Variants in PARD6G observed in about 807,000 individuals in gnomAD.
PARD6G encodes the protein partitioning defective 6 homolog gamma.
A neutral mutation model predicts 10.7 loss-of-function variants in PARD6G; 7 were observed. The ratio of observed to expected loss-of-function variants is 0.66; its 90% confidence interval spans 0.37 to 1.23. PARD6G has a LOEUF of 1.23. Among genes scored for constraint, PARD6G ranks in the 50% most tolerant of loss-of-function variants. The probability of loss-of-function intolerance (pLI) is 0.02; values close to 1 mark genes in which losing one functional copy is unlikely to be tolerated. For missense variants in PARD6G, 548 were observed against 571.8 expected, an observed-to-expected ratio of 0.96 and a Z score of 0.42; for synonymous variants, 287 against 269.4, an observed-to-expected ratio of 1.07 and a Z score of -0.64.
At chr18:80,163,017 G>A (rs571208802) in intron 2 of PARD6G, among the ~76,000 whole-genome samples, 14 of 152,292 alleles carry the variant, frequency 9.2e-5, no homozygotes, top group Admixed American at 5.9e-4. Context: ...CCATGGGGCC[G>A]CAGATGGAAG....
rs538090133 is a variant in PARD6G at position 80,212,803 on chromosome 18, T to C, written c.73-9871A>G. On this transcript the variant is annotated intron_variant, in intron 1 of 2. Transcript: ENST00000353265. ...AGGAGGCTGAGACAGGAGAATCACT[T>C]GAACCCGGGAGGCAGAGGTTGCAGT... 4.0e-4 allele frequency among the ~76,000 whole-genome samples: 61 copies of C among 152,068 alleles called. 1 individual carries two copies. The South Asian group carries it at 0.012, about 29-fold the overall frequency.
intron 1 of PARD6G, among the ~76,000 whole-genome samples, chr18:80,227,633 G>T (rs1180466940): frequency 6.6e-6 from 1 of 152,200 alleles, no homozygotes; most frequent in Non-Finnish European, 1.5e-5. Flanking sequence ...AACTTGAGTG[G>T]CAGCCACTGG....
chr18:80,198,638 T>C (rs1440819760), intron 2 of PARD6G, among the ~76,000 whole-genome samples: 2 of 152,212 alleles, frequency 1.3e-5, no homozygotes, highest in African/African-American at 4.8e-5. Flanking sequence ...TCACCAGGCT[T>C]GGAGCCCTCT....
intron 2 of PARD6G, among the ~76,000 whole-genome samples, chr18:80,190,013 C>T (rs1011063355): frequency 7.2e-5 from 11 of 152,108 alleles, no homozygotes; most frequent in African/African-American, 2.7e-4. Context: ...AAAAAGAAAC[C>T]CCAAACCCAT....
At chr18:80,190,906 C>T (rs1024887252) in intron 2 of PARD6G, among the ~76,000 whole-genome samples, 1 of 152,122 alleles carries the variant, frequency 6.6e-6, no homozygotes, top group African/African-American at 2.4e-5. Flanking sequence ...ACCTATTTGC[C>T]CAAATTCTCT....
chr18:80,197,738 A>C (rs1206295003), intron 2 of PARD6G: 1 of 151,768 alleles, frequency 6.6e-6, no homozygotes, highest in Non-Finnish European at 1.5e-5. Context: ...ATCCTGCTAA[A>C]AATAGAGATG....
rs946520366 is a variant in PARD6G, at chr18:80,218,617, G to A, written c.73-15685C>T. Among the ~76,000 whole-genome samples the A allele has an allele frequency of 9.9e-5, 15 of 152,256 alleles. No homozygotes were observed. In the South Asian group the frequency reaches 1.2e-3, roughly 13 times the overall value. On this transcript the variant is annotated intron_variant, in intron 1 of 2. Transcript: ENST00000353265. ...TTCCAGGCGCACAGTGCAAGCTGTC[G>A]GTGGATCTACCATTCTGGGGTCTGG...
At chr18:80,163,545 A>G (rs1050690244) in intron 2 of PARD6G, among the ~76,000 whole-genome samples, 1 of 152,180 alleles carries the variant, frequency 6.6e-6, no homozygotes, top group African/African-American at 2.4e-5. Flanking sequence ...CCTGTTCCGC[A>G]TGGTGCATTC....
At chr18:80,213,946 C>CA (rs36051371) in intron 1 of PARD6G, among the ~76,000 whole-genome samples, 98,864 of 115,796 alleles carry the variant, frequency 0.85, 42,077 homozygotes, top group Non-Finnish European at 0.88. Flanking sequence ...GACTCCATCT[C>CA]AAAAAAAAAA....
At chr18:80,187,185 T>G (rs929432672) in intron 2 of PARD6G, among the ~76,000 whole-genome samples, 34 of 151,994 alleles carry the variant, frequency 2.2e-4, no homozygotes, top group African/African-American at 7.7e-4. Flanking sequence ...CCTAAGGACA[T>G]GGGGCTGCCT....
chr18:80,222,823 G>A (rs543109047), intron 1 of PARD6G, among the ~76,000 whole-genome samples: 20 of 152,116 alleles, frequency 1.3e-4, no homozygotes, highest in African/African-American at 3.6e-4. Context: ...ACAGGTGCAC[G>A]CCACCACATC....
chr18:80,199,964 T>G (rs965182779), intron 2 of PARD6G, among the ~76,000 whole-genome samples: 1 of 152,208 alleles, frequency 6.6e-6, no homozygotes, highest in Non-Finnish European at 1.5e-5. Context: ...ATTAATTTTT[T>G]AAAACATAAT....
At chr18:80,239,720 C>G (rs556742357) in intron 1 of PARD6G, among the ~76,000 whole-genome samples, 10 of 152,358 alleles carry the variant, frequency 6.6e-5, no homozygotes, top group African/African-American at 2.4e-4. Context: ...AGTACCTCAC[C>G]TTTTCCCCTC....
chr18:80,162,938 C>T (rs1417508152), intron 2 of PARD6G, among the ~76,000 whole-genome samples: 1 of 152,144 alleles, frequency 6.6e-6, no homozygotes, highest in Non-Finnish European at 1.5e-5. Context: ...TCTCCCTGGA[C>T]TAAAAGCTAA....
rs751309991 is a variant in PARD6G at position 80,196,947 on chromosome 18, GA to G, written c.295+5762del. On this transcript the variant is annotated intron_variant, in intron 2 of 2. Transcript: ENST00000353265. The stretch of plus-strand genomic sequence containing the variant: ...ATCCTCCAAACACACAAACTTCCAG[GA>G]ATCTGTGGCAATTAAAGCAGCAAAC... Among the ~76,000 whole-genome samples the G allele has an allele frequency of 1.1e-4, 16 of 140,896 alleles. No homozygotes were observed. In the East Asian group the frequency reaches 2.7e-3, roughly 24 times the overall value. The allele number at this position is 140,896 out of a possible 152,430, so 92.4% of individuals were successfully genotyped here. A position where few individuals can be genotyped will look rare whatever the true frequency, so the allele number is the denominator to read the frequency against.
intron 1 of PARD6G, among the ~76,000 whole-genome samples, chr18:80,204,788 A>C (rs1489820743): frequency 6.6e-6 from 1 of 151,710 alleles, no homozygotes; most frequent in Non-Finnish European, 1.5e-5. Flanking sequence ...ATCTCTACTA[A>C]AAGTACCAAA....
chr18:80,186,854 C>T, intron 2 of PARD6G, among the ~76,000 whole-genome samples: 1 of 152,176 alleles, frequency 6.6e-6, no homozygotes, highest in East Asian at 1.9e-4. Context: ...GTGGCTCACG[C>T]CTGTAATCCC....
At chr18:80,197,124 A>C (rs1269843789) in intron 2 of PARD6G, among the ~76,000 whole-genome samples, 1 of 152,150 alleles carries the variant, frequency 6.6e-6, no homozygotes, top group Non-Finnish European at 1.5e-5. Flanking sequence ...GCGGTGTCCG[A>C]GGAAAGAGAC....
chr18:80,212,810 G>C (rs181497428), intron 1 of PARD6G, among the ~76,000 whole-genome samples: 3 of 152,018 alleles, frequency 2.0e-5, no homozygotes, highest in African/African-American at 4.8e-5. Flanking sequence ...ACTTGAACCC[G>C]GGAGGCAGAG....
Sources: allele counts gnomAD v4.1 joint callset (sites outside exome capture counted in the v4.1 genomes callset), GRCh38; gene constraint gnomAD v4.1.1; transcripts MANE v1.5; gene names NCBI Gene and HGNC (gene_info 2026-07-23, HGNC 2026-07-21).